DTNA: variants seen among roughly 807,000 people sequenced by gnomAD.
DTNA encodes the protein dystrobrevin alpha.
Under a neutral mutation model 100.7 loss-of-function variants are expected in DTNA, and 43 were observed. That is an observed-to-expected ratio of 0.43 (90% CI 0.33 to 0.55). DTNA has a LOEUF of 0.55. Among genes scored for constraint, DTNA ranks in the 20% least tolerant of loss-of-function variants. The probability of loss-of-function intolerance (pLI) is 0.04; values close to 1 mark genes in which losing one functional copy is unlikely to be tolerated. For missense variants in DTNA, 798 were observed against 953.9 expected, an observed-to-expected ratio of 0.84 and a Z score of 2.15; for synonymous variants, 349 against 347.9, an observed-to-expected ratio of 1.00 and a Z score of -0.04.
At chr18:34,634,303 T>A (rs964376914) in intron 1 of DTNA, among the ~76,000 whole-genome samples, 7 of 152,220 alleles carry the variant, frequency 4.6e-5, no homozygotes, top group Non-Finnish European at 1.0e-4. Context: ...ACAGGTTACA[T>A]CTGTTGATAT....
rs2095496302 is a variant in DTNA at position 34,812,044 on chromosome 18, C to T, written c.534C>T (p.Pro178=). ...DQFLREVLKL[P]TAVFEGPSFG... is the part of the protein sequence containing the mutation. ...TCCTTCGGGAAGTTCTCAAACTACC[C>T]ACGGCAGTTTTTGAAGGTCCTTCAT... is the stretch of plus-strand genomic sequence containing the variant. The change falls in exon 6 of 23, where the codon CCC becomes CCT. Residue 178 remains proline, a synonymous_variant. Transcript: ENST00000444659. The T allele has an allele frequency of 1.2e-6, 2 of 1,613,890 alleles. No individual in the cohort carries two copies. The highest frequency in any genetic ancestry group is 8.5e-7 in the Non-Finnish European group (1 of 1,179,978).
chr18:34,547,712 A>G (rs1336836090), intron 1 of DTNA, among the ~76,000 whole-genome samples: 1 of 152,164 alleles, frequency 6.6e-6, no homozygotes, highest in African/African-American at 2.4e-5. Flanking sequence ...TCATGTATAG[A>G]TATACAAGGA....
intron 1 of DTNA, among the ~76,000 whole-genome samples, chr18:34,654,037 T>C (rs531777171): frequency 1.1e-4 from 17 of 152,316 alleles, no homozygotes; most frequent in South Asian, 8.3e-4. Context: ...AGAGTGTTCC[T>C]ATGAGAGGAA....
intron 1 of DTNA, among the ~76,000 whole-genome samples, chr18:34,592,687 A>G (rs778146561): frequency 6.6e-6 from 1 of 152,066 alleles, no homozygotes; most frequent in African/African-American, 2.4e-5. Flanking sequence ...CCTCCAAAAC[A>G]CTGGCAAGCA....
intron 1 of DTNA, among the ~76,000 whole-genome samples, chr18:34,518,064 T>G (rs752936443): frequency 6.6e-6 from 1 of 152,156 alleles, no homozygotes; most frequent in Non-Finnish European, 1.5e-5. Context: ...GTGTGAGGGA[T>G]TAAACTTCTC....
chr18:34,829,242 C>T, intron 10 of DTNA, 158 bp from the exon 11 acceptor site: 1 of 1,530,732 alleles, frequency 6.5e-7, no homozygotes, highest in South Asian at 1.2e-5. Flanking sequence ...TTGTTTAAAG[C>T]TCACATTTCT....
At chr18:34,706,306 G>A (rs2082111944), upstream of DTNA, among the ~76,000 whole-genome samples, 1 of 152,312 alleles carries the variant, frequency 6.6e-6, no homozygotes, top group African/African-American at 2.4e-5. Flanking sequence ...ATTTCTGATA[G>A]TTGAATTATA....
intron 6 of DTNA, 88 bp from the exon 7 acceptor site, chr18:34,815,821 G>A: frequency 8.6e-7 from 1 of 1,165,910 alleles, no homozygotes; most frequent in Non-Finnish European, 1.3e-6. Flanking sequence ...GTGCTCTTTT[G>A]TTTCAGTCTC....
At chr18:34,801,699 CG>C (rs1037213171) in intron 4 of DTNA, among the ~76,000 whole-genome samples, 2 of 151,694 alleles carry the variant, frequency 1.3e-5, no homozygotes, top group Admixed American at 1.3e-4. Context: ...TTAGTAGAGA[CG>C]GGTTTTCACC....
At chr18:34,606,630 G>A (rs2053176177) in intron 1 of DTNA, among the ~76,000 whole-genome samples, 1 of 152,142 alleles carries the variant, frequency 6.6e-6, no homozygotes, top group African/African-American at 2.4e-5. Flanking sequence ...TTAAATTGTA[G>A]TAAGTTATAG....
chr18:34,756,765 T>C (rs1386890357), intron 2 of DTNA, among the ~76,000 whole-genome samples: 2 of 148,398 alleles, frequency 1.3e-5, no homozygotes, highest in African/African-American at 2.6e-5. Context: ...TTGTAGACCA[T>C]TTTTCTTATT....
intron 1 of DTNA, among the ~76,000 whole-genome samples, chr18:34,585,831 G>A (rs9955245): frequency 0.1 from 15,658 of 152,212 alleles, 1,169 homozygotes; most frequent in African/African-American, 0.21. Flanking sequence ...AGAGAGGTGG[G>A]TGGGACATTC....
chr18:34,758,103 C>A (rs903594191), intron 2 of DTNA, among the ~76,000 whole-genome samples: 1 of 152,042 alleles, frequency 6.6e-6, no homozygotes, highest in Non-Finnish European at 1.5e-5. Flanking sequence ...AATATCACTG[C>A]GAATGTGTTA....
chr18:34,728,398 A>T (rs966660316), intron 1 of DTNA, among the ~76,000 whole-genome samples: 19 of 152,180 alleles, frequency 1.2e-4, no homozygotes, highest in African/African-American at 4.6e-4. Context: ...AGTTTAAAAA[A>T]TTTAAAAAAA....
chr18:34,692,897 A>C (rs1370678256), intron 1 of DTNA, among the ~76,000 whole-genome samples: 1 of 152,194 alleles, frequency 6.6e-6, no homozygotes, highest in Non-Finnish European at 1.5e-5. Context: ...TTTATGAAAT[A>C]AATATCTATG....
rs192561043 is a variant in DTNA, at chr18:34,875,229, G to A, written c.1744-10G>A. 2.3e-4 allele frequency: 368 copies of A among 1,613,300 alleles called. 1 individual carries two copies. In the African/African-American group the frequency reaches 4.5e-3, roughly 20 times the overall value. On this transcript the variant is annotated splice_polypyrimidine_tract_variant and intron_variant, in intron 17 of 22. Coordinates refer to ENST00000444659, the MANE Select transcript of DTNA (RefSeq NM_001386795.1). Reference sequence around the variant, plus strand: ...GGAAAGCAAATTAATGACCTGCATTGTCTCTCCAGACTCAGGGGGCAGGCT... The same window carrying A: ...GGAAAGCAAATTAATGACCTGCATTATCTCTCCAGACTCAGGGGGCAGGCT...
At chr18:34,532,301 A>G (rs2043216861) in intron 1 of DTNA, among the ~76,000 whole-genome samples, 2 of 152,152 alleles carry the variant, frequency 1.3e-5, no homozygotes, top group South Asian at 4.1e-4. Flanking sequence ...ATAATGGGGA[A>G]GAAGGCCACT....
chr18:34,624,226 A>AT (rs1396098634), intron 1 of DTNA, among the ~76,000 whole-genome samples: 2 of 152,240 alleles, frequency 1.3e-5, no homozygotes, highest in Non-Finnish European at 2.9e-5. Context: ...TTCAATTTCA[A>AT]TTCACTTTTG....
chr18:34,810,784 G>A (rs564376891), intron 5 of DTNA, among the ~76,000 whole-genome samples: 2 of 152,300 alleles, frequency 1.3e-5, no homozygotes, highest in African/African-American at 4.8e-5. Context: ...TTGAACACAT[G>A]TATCAAGCTA....
Sources: gnomAD v4.1 joint callset for allele counts (sites outside exome capture counted in the v4.1 genomes callset) on GRCh38, gnomAD v4.1.1 for gene constraint, MANE v1.5 for transcripts, NCBI Gene and HGNC (gene_info 2026-07-23, HGNC 2026-07-21) for gene names.